FRAS1: variants seen among roughly 807,000 people sequenced by gnomAD.
FRAS1 encodes Fraser extracellular matrix complex subunit 1.
FRAS1 carries 290 observed loss-of-function variants against 435.2 expected under a neutral mutation model. The ratio of observed to expected loss-of-function variants is 0.67; its 90% CI spans 0.61 to 0.73. The LOEUF (loss-of-function observed/expected upper bound fraction) is 0.73, where lower values mean the gene tolerates loss of function less well. Ranked by LOEUF, FRAS1 falls within the 30% of genes least tolerant of loss-of-function variation. FRAS1 has a pLI of 0.00. For missense variants in FRAS1, 4,860 were observed against 5,001.5 expected (o/e 0.97, Z 0.85); for synonymous variants, 1,800 against 1,851.0 (o/e 0.97, Z 0.71).
rs2109912984 is a variant in FRAS1 at position 78,542,211 on chromosome 4, A to G, written c.*1087A>G. 6.6e-6 allele frequency: 1 copy of G among 152,352 alleles called. No individual in the cohort carries two copies. The highest frequency in any genetic ancestry group is 2.1e-4 in the South Asian group (1 of 4,826). The allele number at this position is 152,352 out of a possible 1,614,324, so 9.4% of individuals were successfully genotyped here. On this transcript the variant is annotated 3_prime_UTR_variant, in exon 74 of 74. Transcript: ENST00000512123. ...GTGTGACACAGCAGACAGAGGCACTATTCCTGGTGCAGTATTTCAGGGATT... is the reference window on the plus strand; with the variant it reads ...GTGTGACACAGCAGACAGAGGCACTGTTCCTGGTGCAGTATTTCAGGGATT...
At chr4:78,408,941 T>C (rs1268082298) in intron 31 of FRAS1, among the ~76,000 whole-genome samples, 1 of 151,774 alleles carries the variant, frequency 6.6e-6, no homozygotes, top group Non-Finnish European at 1.5e-5. Context: ...TTGGGCAACA[T>C]GGTGAAACCC....
Position 78,333,411 on chromosome 4 carries a change from AG to A in FRAS1, c.2278+1del. ...GYFHQEGSCT[E>X]CHPTCRQCHG... ...ACTTTCACCAGGAAGGTAGTTGCACAGGTGAGTATGTAATGTGCTGAGGCAC... is the reference window on the plus strand; with the variant it reads ...ACTTTCACCAGGAAGGTAGTTGCACAGTGAGTATGTAATGTGCTGAGGCAC... On this transcript the variant is annotated frameshift_variant and splice_region_variant, in exon 19 of 74. Transcript: ENST00000512123. LOFTEE classifies it high-confidence loss of function. The A allele has an allele frequency of 6.2e-7, 1 of 1,610,732 alleles. No homozygotes were observed.
chr4:78,422,586 T>TGTG (rs10689465), intron 34 of FRAS1, among the ~76,000 whole-genome samples: 86,938 of 151,624 alleles, frequency 0.57, 25,230 homozygotes, highest in Non-Finnish European at 0.62. Context: ...AAGGAGAGAA[T>TGTG]GTGTCCTTGT....
In FRAS1 at chr4:78,363,997, A is replaced by G. The variant is rs1488086450; in HGVS notation, c.2665A>G (p.Thr889Ala). 1.2e-6 allele frequency: 2 copies of G among 1,609,124 alleles called. No homozygotes were observed. The highest frequency in any genetic ancestry group is 1.7e-6 in the Non-Finnish European group (2 of 1,177,630). Residue 889 changes from threonine (T) to alanine (A), a missense_variant, in exon 22 of 74, where the codon ACC (threonine) becomes GCC (alanine). By Grantham distance (58) the Thr-to-Ala change is moderately conservative. Transcript: ENST00000512123. ...CAACCTCGTGCTGTCCCACACTGGC[A>G]CCTGCAGCACCACCTGCTTCCCTGG... ...DTNLVLSHTG[T>A]CSTTCFPGHY... is the part of the protein sequence containing the mutation.
chr4:78,296,437 A>G (rs184682604), intron 14 of FRAS1, among the ~76,000 whole-genome samples: 1 of 152,056 alleles, frequency 6.6e-6, no homozygotes, highest in Admixed American at 6.6e-5. Flanking sequence ...GATGGCTCAG[A>G]TCTCTTTGGA....
intron 2 of FRAS1, among the ~76,000 whole-genome samples, chr4:78,141,691 A>G (rs1405828029): frequency 7.2e-5 from 11 of 152,174 alleles, no homozygotes; most frequent in South Asian, 2.1e-4. Flanking sequence ...ACTCATGTTT[A>G]TAGCAGCACA....
chr4:78,203,730 A>C (rs6815325), intron 2 of FRAS1, among the ~76,000 whole-genome samples: 145,888 of 152,176 alleles, frequency 0.96, 70,223 homozygotes, highest in East Asian at 1. Flanking sequence ...CCACGCCCAG[A>C]TAATTTTTCA....
chr4:78,466,308 T>C lies in FRAS1; in HGVS notation c.7130T>C (p.Met2377Thr). 6.2e-7 allele frequency: 1 copy of C among 1,613,750 alleles called. No individual in the cohort carries two copies. The highest frequency in any genetic ancestry group is 1.1e-5 in the South Asian group (1 of 91,070). Residue 2377 changes from methionine to threonine, a missense_variant, in exon 50 of 74, where the codon ATG becomes ACG. By Grantham distance (81) the Met-to-Thr change is moderately conservative (BLOSUM62 -1). Coordinates refer to ENST00000512123, the MANE Select transcript of FRAS1 (RefSeq NM_025074.7). ...QHFHLTSTFT[M>T]KDIYQNRVSY... ...TTCCACCTCACCTCCACCTTCACCA[T>C]GAAAGATATCTACCAGAACCGGGTC...
At position 78,479,532 on chromosome 4, in the gene FRAS1, T is replaced by G; in HGVS notation, c.8257T>G (p.Cys2753Gly). The G allele has an allele frequency of 6.2e-7, 1 of 1,613,956 alleles. No individual in the cohort carries two copies. The highest frequency in any genetic ancestry group is 1.3e-5 in the African/African-American group (1 of 75,068). ...IFGPGVTMST[C>G]DVMLIDDSEY... ...CGGGCCTGGTGTGACCATGTCCACC[T>G]GTGATGTCATGCTTATTGATGACAG... Residue 2753 changes from cysteine to glycine, a missense_variant, in exon 56 of 74, where the codon TGT becomes GGT. Cys to Gly is a radical substitution (Grantham distance 159). Transcript: ENST00000512123.
chr4:78,360,153 T>C (rs1731022431), intron 20 of FRAS1, among the ~76,000 whole-genome samples: 1 of 152,150 alleles, frequency 6.6e-6, no homozygotes. Flanking sequence ...AGAGCACCTG[T>C]GTCACTCATG....
At chr4:78,279,025 A>C (rs1028836521) in intron 10 of FRAS1, among the ~76,000 whole-genome samples, 1 of 152,186 alleles carries the variant, frequency 6.6e-6, no homozygotes, top group Non-Finnish European at 1.5e-5. Context: ...ACATAGAAGA[A>C]TAAAACAGTG....
Position 78,387,717 on chromosome 4 carries a change from A to G in FRAS1, c.3975+16A>G, listed in dbSNP as rs1732275655. On this transcript the variant is annotated intron_variant, in intron 29 of 73. Coordinates refer to ENST00000512123, the MANE Select transcript of FRAS1 (RefSeq NM_025074.7). Reference sequence around the variant, plus strand: ...CGTGCCTCAGGTAGGTGTCATTCCTAGAGTTACAGTTTCTTTGCACCTAGA... The same window carrying G: ...CGTGCCTCAGGTAGGTGTCATTCCTGGAGTTACAGTTTCTTTGCACCTAGA... 6.8e-7 allele frequency: 1 copy of G among 1,473,326 alleles called. No individual in the cohort carries two copies. The highest frequency in any genetic ancestry group is 9.1e-7 in the Non-Finnish European group (1 of 1,102,748). 91.3% of individuals were successfully genotyped at this position (1,473,326 alleles called of 1,614,324 possible).
chr4:78,308,013 T>C, intron 14 of FRAS1, 53 bp from the exon 15 acceptor site: 2 of 1,520,884 alleles, frequency 1.3e-6, no homozygotes, highest in Middle Eastern at 1.8e-4. Flanking sequence ...AGAAAAATGA[T>C]GACCAGTCCT....
chr4:78,072,120 A>G (rs1740388128), intron 2 of FRAS1: 1 of 152,048 alleles, frequency 6.6e-6, no homozygotes, highest in Non-Finnish European at 1.5e-5. Flanking sequence ...AGTTAATTGT[A>G]CATATTCCAT....
chr4:78,513,634 C>A lies in FRAS1; in HGVS notation c.10174+82C>A, dbSNP rs149446255. ...TCAGGATATGCCAGAGTGAGAACTG[C>A]TTTTCATGTTTTCTGGTCCTCAGAA... On this transcript the variant is annotated intron_variant, in intron 65 of 73. Transcript: ENST00000512123. The A allele has an allele frequency of 2.9e-4, 375 of 1,274,490 alleles. 1 individual carries two copies. The African/African-American group carries it at 5.1e-3, about 17-fold the overall frequency. 78.9% of individuals were successfully genotyped at this position (1,274,490 alleles called of 1,614,324 possible).
intron 27 of FRAS1, among the ~76,000 whole-genome samples, chr4:78,383,586 G>T (rs768702416): frequency 2.6e-5 from 4 of 152,142 alleles, no homozygotes; most frequent in Admixed American, 1.3e-4. Context: ...GAACAGCCGT[G>T]TAATACAGAC....
At chr4:78,115,682 T>G (rs573975903) in intron 2 of FRAS1, among the ~76,000 whole-genome samples, 1 of 152,326 alleles carries the variant, frequency 6.6e-6, no homozygotes, top group African/African-American at 2.4e-5. Context: ...GATATCCACT[T>G]TTTCATTTTT....
rs1410656583 is a variant in FRAS1 at position 78,348,146 on chromosome 4, C to T, written c.2422+10329C>T. 2.2e-4 allele frequency among the ~76,000 whole-genome samples: 9 copies of T among 41,368 alleles called. 4 individuals carry two copies. The highest frequency in any genetic ancestry group is 4.0e-4 in the Non-Finnish European group (9 of 22,506). The allele number at this position is 41,368 out of a possible 152,430, so 27.1% of individuals were successfully genotyped here. On this transcript the variant is annotated intron_variant, in intron 20 of 73. Transcript: ENST00000512123. ...GGCCAGTGTGTGTGCGCACTGTGCG[C>T]GAGCCGAAGCAGGGCGAGGCATTGC...
chr4:78,086,189 G>T (rs1392998824), intron 2 of FRAS1, among the ~76,000 whole-genome samples: 1 of 152,228 alleles, frequency 6.6e-6, no homozygotes, highest in Middle Eastern at 3.4e-3. Flanking sequence ...GGTACATAAC[G>T]AAATGAAGGC....
Sources: gnomAD v4.1 joint callset for allele counts (sites outside exome capture counted in the v4.1 genomes callset) on GRCh38, gnomAD v4.1.1 for gene constraint, MANE v1.5 for transcripts, NCBI Gene and HGNC (gene_info 2026-07-23, HGNC 2026-07-21) for gene names.